Variants in LOXHD1 observed in about 807,000 individuals in gnomAD.
LOXHD1 encodes the protein lipoxygenase homology domain-containing protein 1.
A neutral mutation model predicts 248.2 loss-of-function variants in LOXHD1; 205 were observed. The ratio of observed to expected loss-of-function variants is 0.83; its 90% confidence interval spans 0.74 to 0.93. LOXHD1 has a LOEUF of 0.93. Ranked by LOEUF, LOXHD1 falls within the 40% of genes least tolerant of loss-of-function variation. The probability of loss-of-function intolerance (pLI) is 0.00; values close to 1 mark genes in which losing one functional copy is unlikely to be tolerated. For missense variants in LOXHD1, 2,930 were observed against 2,971.6 expected (o/e 0.99, Z 0.33); for synonymous variants, 1,113 against 1,162.8 (o/e 0.96, Z 0.87).
At position 46,477,787 on chromosome 18, in the gene LOXHD1, GCCTGCC is replaced by G; in HGVS notation, c.6501_6506del (p.Ala2168_Gly2169del). 1 of 1,551,862 alleles carries G rather than the reference GCCTGCC, an allele frequency of 6.4e-7. No homozygotes were observed. Among genetic ancestry groups the G allele is most frequent in the South Asian group, 1.2e-5 (1 of 84,062 alleles). The stretch of plus-strand genomic sequence containing the variant: ...TGGTCACGAAGACGTTGGCATCAGT[GCCTGCC>G]CCTGGCTCATAGCCTGTTGTCACGA... On this transcript the variant is annotated inframe_deletion, in exon 41 of 41. Transcript: ENST00000642948.
At position 46,511,480 on chromosome 18, in the gene LOXHD1, C is replaced by T. The variant is rs138188979; in HGVS notation, c.5400-1665G>A. On this transcript the variant is annotated intron_variant, in intron 34 of 40. Coordinates refer to ENST00000642948, the MANE Select transcript of LOXHD1 (RefSeq NM_001384474.1). The stretch of plus-strand genomic sequence containing the variant: ...AAGGGCCCCCTTTGGCTGCCCCTCA[C>T]GTCCTTCCTATTCTGGTTTCCTTCT... 3.5e-3 allele frequency among the ~76,000 whole-genome samples: 538 copies of T among 152,312 alleles called. 4 individuals carry two copies. The highest frequency in any genetic ancestry group is 5.6e-3 in the Non-Finnish European group (380 of 68,024).
At chr18:46,551,102 TTTTC>T (rs1219856129) in intron 21 of LOXHD1, among the ~76,000 whole-genome samples, 24 of 151,306 alleles carry the variant, frequency 1.6e-4, no homozygotes, top group African/African-American at 5.4e-4. Flanking sequence ...TTTTCTTTTC[TTTTC>T]TTTTTTTTTT....
chr18:46,579,631 T>A lies in LOXHD1; in HGVS notation c.1808A>T (p.Asn603Ile), dbSNP rs918726548. The A allele has an allele frequency of 1.3e-6, 2 of 1,551,664 alleles. No individual in the cohort carries two copies. Residue 603 changes from asparagine (N) to isoleucine (I), a missense_variant and splice_region_variant, in exon 13 of 41, where the codon AAT becomes ATT. Physicochemically the swap from Asn to Ile is moderately radical, Grantham distance 149. Transcript: ENST00000642948. ...RNNTDLFEKG[N>I]ADEFTIESVT... ...GTGGGGCACATTGCTGTAACTTACA[T>A]TGCCCTTTTCAAACAGGTCTGTGTT... is the stretch of plus-strand genomic sequence containing the variant.
intron 33 of LOXHD1, among the ~76,000 whole-genome samples, chr18:46,519,389 C>T (rs62097064): frequency 0.063 from 9,623 of 152,298 alleles, 395 homozygotes; most frequent in Middle Eastern, 0.092. Context: ...GTCATGTTCC[C>T]ATCATTGTCC....
intron 4 of LOXHD1, among the ~76,000 whole-genome samples, chr18:46,637,506 G>T (rs112450175): frequency 6.6e-6 from 1 of 152,254 alleles, no homozygotes; most frequent in East Asian, 1.9e-4. Context: ...CATAGTAGAG[G>T]TTGGATAAAG....
chr18:46,477,623 T>A lies in LOXHD1; in HGVS notation c.6671A>T (p.Asp2224Val), dbSNP rs1338588495. The change falls in exon 41 of 41, where the codon GAC becomes GTC. Residue 2224 changes from aspartate to valine, a missense_variant. By Grantham distance (152) the Asp-to-Val change is radical. Transcript: ENST00000642948. ...GELRKVRLEH[D>V]SSGYCSGWLV... ...CCAGCCTGAGCAGTAGCCACTGCTG[T>A]CGTGCTCCAGGCGCACCTTGCGCAG... 6.4e-7 allele frequency: 1 copy of A among 1,551,672 alleles called. No individual in the cohort carries two copies. The highest frequency in any genetic ancestry group is 2.4e-5 in the East Asian group (1 of 40,938).
chr18:46,625,615 C>T (rs966420004), intron 4 of LOXHD1, among the ~76,000 whole-genome samples: 64 of 152,278 alleles, frequency 4.2e-4, no homozygotes, highest in African/African-American at 1.5e-3. Context: ...GTTGAACAAG[C>T]TTGCCCTATA....
At chr18:46,510,412 C>T (rs2034888689) in intron 34 of LOXHD1, among the ~76,000 whole-genome samples, 1 of 152,170 alleles carries the variant, frequency 6.6e-6, no homozygotes, top group African/African-American at 2.4e-5. Context: ...GAAGGTAATG[C>T]TGCTTTTGTT....
chr18:46,559,276 C>A (rs2037457049), intron 20 of LOXHD1, 172 bp downstream of exon 20: 3 of 1,534,440 alleles, frequency 2.0e-6, no homozygotes, highest in Admixed American at 3.9e-5. Context: ...TCTCTCATAA[C>A]CCCTCCACAA....
At chr18:46,643,684 A>G (rs528136465) in intron 2 of LOXHD1, among the ~76,000 whole-genome samples, 1 of 152,338 alleles carries the variant, frequency 6.6e-6, no homozygotes, top group South Asian at 2.1e-4. Context: ...GAAACAAAAA[A>G]AAAGGAATAA....
chr18:46,477,432 G>C lies in LOXHD1; in HGVS notation c.*40C>G, dbSNP rs557248863. 6.5e-6 allele frequency: 10 copies of C among 1,535,738 alleles called. No individual in the cohort carries two copies. In the East Asian group the frequency reaches 2.2e-4, roughly 34 times the overall value. ...GCCAAGGTGGAGGGCAGAAATGTGA[G>C]ATTGGGGCATCTCAGTGAGAGGGTG... On this transcript the variant is annotated 3_prime_UTR_variant, in exon 41 of 41. Transcript: ENST00000642948.
chr18:46,556,435 G>T (rs1013434531), intron 21 of LOXHD1, among the ~76,000 whole-genome samples: 11 of 152,104 alleles, frequency 7.2e-5, no homozygotes, highest in Non-Finnish European at 1.3e-4. Context: ...TGGTCTGGGG[G>T]ATCTATTGGA....
chr18:46,534,444 T>G lies in LOXHD1; in HGVS notation c.4103A>C (p.Asp1368Ala), dbSNP rs2036217128. ...SASRFIVELE[D>A]VGEIIEKIRI... is the part of the protein sequence containing the mutation. ...AATTTTTTCAATGATTTCTCCCACA[T>G]CTTCTAACTTTGGAAAGGAGATAAG... is the stretch of plus-strand genomic sequence containing the variant. The change falls in exon 27 of 41, where the codon GAT (aspartate) becomes GCT (alanine). Residue 1368 changes from aspartate (D) to alanine (A), a missense_variant. By Grantham distance (126) the Asp-to-Ala change is moderately radical (BLOSUM62 -2). Transcript: ENST00000642948. 6.4e-7 allele frequency: 1 copy of G among 1,551,000 alleles called. No individual in the cohort carries two copies.
At chr18:46,651,752 G>C (rs1321272507) in intron 1 of LOXHD1, among the ~76,000 whole-genome samples, 1 of 151,296 alleles carries the variant, frequency 6.6e-6, no homozygotes, top group African/African-American at 2.4e-5. Flanking sequence ...ATCCAACAAA[G>C]CACTCAGAGC....
chr18:46,559,093 G>T (rs1418077464), intron 20 of LOXHD1: 1 of 1,284,164 alleles, frequency 7.8e-7, no homozygotes. Flanking sequence ...CCCAGTTTAA[G>T]TTGCTCCCTC....
intron 5 of LOXHD1, among the ~76,000 whole-genome samples, chr18:46,614,534 A>T (rs1489656015): frequency 6.6e-6 from 1 of 152,124 alleles, no homozygotes; most frequent in Non-Finnish European, 1.5e-5. Context: ...ACACTTGGAC[A>T]CAGGGTGGGG....
chr18:46,487,490 G>A (rs1290184641), intron 38 of LOXHD1, among the ~76,000 whole-genome samples: 1 of 152,202 alleles, frequency 6.6e-6, no homozygotes, highest in Non-Finnish European at 1.5e-5. Context: ...GCTTCTAGTG[G>A]ACATTTGGAT....
Position 46,655,708 on chromosome 18 carries a change from C to A in LOXHD1, c.130+1196G>T, listed in dbSNP as rs60573379. On this transcript the variant is annotated intron_variant, in intron 1 of 40. Transcript: ENST00000642948. ...ACAGCCTTCCTGATCTCAGCTGAGA[C>A]TACCTCCTCTAAGCCCAGGACTGTG... is the stretch of plus-strand genomic sequence containing the variant. Among the ~76,000 whole-genome samples the A allele has an allele frequency of 2.2e-3, 328 of 152,324 alleles. 1 individual carries two copies. Among genetic ancestry groups the A allele is most frequent in the African/African-American group, 7.4e-3 (308 of 41,562 alleles).
At chr18:46,638,965 C>T (rs986898778) in intron 4 of LOXHD1, among the ~76,000 whole-genome samples, 3 of 152,130 alleles carry the variant, frequency 2.0e-5, no homozygotes, top group African/African-American at 2.4e-5. Context: ...GTGATGGTGC[C>T]GGCAATGTAA....
Sources: allele counts gnomAD v4.1 joint callset (sites outside exome capture counted in the v4.1 genomes callset), GRCh38; gene constraint gnomAD v4.1.1; transcripts MANE v1.5; gene names NCBI Gene and HGNC (gene_info 2026-07-23, HGNC 2026-07-21).